Variants in CNTN5 observed in about 807,000 individuals in gnomAD.
The protein encoded by CNTN5 is contactin-5.
Under a neutral mutation model 129.1 loss-of-function variants are expected in CNTN5, and 77 were observed. That is an observed-to-expected ratio of 0.60 (90% CI 0.50 to 0.72). CNTN5 has a LOEUF of 0.72. Among genes scored for constraint, CNTN5 ranks in the 30% least tolerant of loss-of-function variants. The probability of loss-of-function intolerance (pLI) is 0.00; values close to 1 mark genes in which losing one functional copy is unlikely to be tolerated. For synonymous variants in CNTN5, 509 were observed against 465.6 expected, an observed-to-expected ratio of 1.09 and a Z score of -1.20; for missense variants, 1,478 against 1,328.8, an observed-to-expected ratio of 1.11 and a Z score of -1.75.
At chr11:99,100,752 A>C (rs1358794796) in intron 1 of CNTN5, among the ~76,000 whole-genome samples, 1 of 152,150 alleles carries the variant, frequency 6.6e-6, no homozygotes, top group Admixed American at 6.5e-5. Flanking sequence ...TTTAAACCAA[A>C]GTGTACAATA....
At chr11:99,733,353 A>T (rs1022005337) in intron 3 of CNTN5, among the ~76,000 whole-genome samples, 3 of 148,704 alleles carry the variant, frequency 2.0e-5, no homozygotes, top group African/African-American at 7.5e-5. Context: ...TAATGTGGCC[A>T]TTTTCTGGGG....
At chr11:100,173,621 G>A (rs1947883542) in intron 13 of CNTN5, among the ~76,000 whole-genome samples, 1 of 152,134 alleles carries the variant, frequency 6.6e-6, no homozygotes, top group Non-Finnish European at 1.5e-5. Context: ...GAGCAAAATG[G>A]TAGAGGTGGT....
chr11:99,550,948 A>G, intron 2 of CNTN5, among the ~76,000 whole-genome samples: 1 of 152,166 alleles, frequency 6.6e-6, no homozygotes, highest in East Asian at 1.9e-4. Flanking sequence ...GCATTTGGCA[A>G]AAAGTTTGTT....
intron 1 of CNTN5, among the ~76,000 whole-genome samples, chr11:99,195,956 C>A (rs1344884280): frequency 1.3e-5 from 2 of 152,012 alleles, no homozygotes; most frequent in East Asian, 3.9e-4. Flanking sequence ...ATGGCTTTCA[C>A]TTTTTAAGTT....
chr11:100,001,325 A>G (rs1939862199), intron 8 of CNTN5, among the ~76,000 whole-genome samples: 1 of 152,150 alleles, frequency 6.6e-6, no homozygotes. Flanking sequence ...TATCACGAGA[A>G]CAGCATGGGG....
intron 1 of CNTN5, among the ~76,000 whole-genome samples, chr11:99,045,473 C>T (rs751304867): frequency 1.3e-5 from 2 of 152,154 alleles, no homozygotes; most frequent in Admixed American, 6.5e-5. Flanking sequence ...AAATACATTA[C>T]CTGAGCAAAT....
intron 3 of CNTN5, among the ~76,000 whole-genome samples, chr11:99,572,041 C>T (rs1380889017): frequency 1.3e-5 from 2 of 152,118 alleles, no homozygotes; most frequent in Admixed American, 1.3e-4. Flanking sequence ...TGGCCCATAG[C>T]AAGAAATCTC....
intron 18 of CNTN5, among the ~76,000 whole-genome samples, chr11:100,289,609 T>A (rs1434303332): frequency 1.3e-5 from 2 of 152,184 alleles, no homozygotes; most frequent in East Asian, 3.9e-4. Flanking sequence ...GGGACGTATC[T>A]CAAAATAATA....
chr11:99,348,015 A>G (rs1419467532), intron 2 of CNTN5, among the ~76,000 whole-genome samples: 4 of 152,244 alleles, frequency 2.6e-5, no homozygotes, highest in African/African-American at 9.6e-5. Flanking sequence ...TCATTAATAA[A>G]TAATGTTATT....
chr11:99,802,996 C>T (rs760212354), intron 3 of CNTN5, among the ~76,000 whole-genome samples: 20 of 152,176 alleles, frequency 1.3e-4, no homozygotes, highest in Non-Finnish European at 2.2e-4. Context: ...TGCTGCACCA[C>T]AGTCTGTGTT....
intron 21 of CNTN5, among the ~76,000 whole-genome samples, chr11:100,334,833 T>C (rs1015190878): frequency 2.0e-5 from 3 of 152,112 alleles, no homozygotes; most frequent in African/African-American, 7.2e-5. Context: ...CAGTATACAC[T>C]GCTTGGGTGA....
At chr11:99,889,040 C>A (rs974779903) in intron 6 of CNTN5, among the ~76,000 whole-genome samples, 1 of 152,114 alleles carries the variant, frequency 6.6e-6, no homozygotes, top group Admixed American at 6.6e-5. Context: ...TCATCATCAT[C>A]ATAATCATGA....
chr11:99,528,657 G>A (rs1048636473), intron 2 of CNTN5, among the ~76,000 whole-genome samples: 3 of 152,214 alleles, frequency 2.0e-5, no homozygotes, highest in Non-Finnish European at 4.4e-5. Flanking sequence ...AACCAGAGAA[G>A]CTGATGGTGT....
intron 3 of CNTN5, among the ~76,000 whole-genome samples, chr11:99,791,143 TTAAG>T (rs1945727783): frequency 6.6e-6 from 1 of 152,070 alleles, no homozygotes. Flanking sequence ...AAGCTTAAGT[TTAAG>T]TAGATCTCAT....
At chr11:99,727,993 G>T (rs1943410359) in intron 3 of CNTN5, among the ~76,000 whole-genome samples, 1 of 152,076 alleles carries the variant, frequency 6.6e-6, no homozygotes, top group Non-Finnish European at 1.5e-5. Context: ...AACCACTATG[G>T]TAATTCGTCT....
chr11:99,256,916 C>T (rs557581976), intron 1 of CNTN5, among the ~76,000 whole-genome samples: 117 of 152,118 alleles, frequency 7.7e-4, no homozygotes, highest in African/African-American at 2.7e-3. Context: ...TAAATGTTTG[C>T]ACATATTCCA....
intron 3 of CNTN5, among the ~76,000 whole-genome samples, chr11:99,772,506 G>C (rs1386361753): frequency 6.6e-6 from 1 of 152,004 alleles, no homozygotes; most frequent in Non-Finnish European, 1.5e-5. Context: ...TGATTCACTT[G>C]ATGTGGCTGT....
intron 2 of CNTN5, among the ~76,000 whole-genome samples, chr11:99,472,812 G>T (rs114715980): frequency 1.1e-4 from 17 of 151,930 alleles, no homozygotes; most frequent in African/African-American, 3.4e-4. Context: ...CACCACATGT[G>T]CACACATTAC....
intron 15 of CNTN5, among the ~76,000 whole-genome samples, chr11:100,206,888 TTTAA>T (rs1948925007): frequency 6.6e-6 from 1 of 151,990 alleles, no homozygotes; most frequent in Non-Finnish European, 1.5e-5. Context: ...AAATAAAATG[TTTAA>T]TTATTATATA....
Sources: allele counts gnomAD v4.1 joint callset (sites outside exome capture counted in the v4.1 genomes callset), GRCh38; gene constraint gnomAD v4.1.1; transcripts MANE v1.5; gene names NCBI Gene and HGNC (gene_info 2026-07-23, HGNC 2026-07-21).